Variants in UPF2 observed in about 807,000 individuals in gnomAD.
UPF2 encodes the protein regulator of nonsense transcripts 2.
UPF2 carries 17 observed loss-of-function variants against 141.4 expected under a neutral mutation model. The observed-to-expected ratio is 0.12, with a 90% CI of 0.08 to 0.18. UPF2 has a LOEUF of 0.18. Among genes scored for constraint, UPF2 ranks in the 10% least tolerant of loss-of-function variants. The pLI is 1.00. For missense variants in UPF2, 1,152 were observed against 1,515.9 expected (o/e 0.76, Z 3.99); for synonymous variants, 540 against 498.0 (o/e 1.08, Z -1.12).
At chr10:11,989,660 A>AC (rs2131247028) in intron 8 of UPF2, among the ~76,000 whole-genome samples, 1 of 152,354 alleles carries the variant, frequency 6.6e-6, no homozygotes, top group South Asian at 2.1e-4. Context: ...ACACAATGTT[A>AC]CCCCAATGCT....
At position 12,029,608 on chromosome 10, in the gene UPF2, GA is replaced by G. The variant is rs1280235727; in HGVS notation, c.366-85del. ...AATCCCCTAAGAGTAAAAAGCCAATGAAAAAAATTATCTAAGTATAACAATC... is the reference window on the plus strand; with the variant it reads ...AATCCCCTAAGAGTAAAAAGCCAATGAAAAAATTATCTAAGTATAACAATC... On this transcript the variant is annotated intron_variant, in intron 2 of 21. Coordinates refer to ENST00000357604, the MANE Select transcript of UPF2 (RefSeq NM_015542.4). The G allele has an allele frequency of 3.4e-5, 48 of 1,394,324 alleles. No individual in the cohort carries two copies. In the South Asian group the frequency reaches 6.1e-4, roughly 18 times the overall value. The allele number at this position is 1,394,324 out of a possible 1,614,324, so 86.4% of individuals were successfully genotyped here.
chr10:11,948,141 G>C (rs377169932), intron 16 of UPF2, among the ~76,000 whole-genome samples: 1 of 151,072 alleles, frequency 6.6e-6, no homozygotes, highest in Non-Finnish European at 1.5e-5. Context: ...TCAGCTACTC[G>C]GGAGGCTGAG....
intron 9 of UPF2, among the ~76,000 whole-genome samples, chr10:11,974,110 T>G (rs2131218907): frequency 6.6e-6 from 1 of 152,336 alleles, no homozygotes; most frequent in Admixed American, 6.5e-5. Flanking sequence ...CCTTGTAAGT[T>G]GGATTCCTAG....
At chr10:12,025,493 G>C (rs12355710) in intron 3 of UPF2, among the ~76,000 whole-genome samples, 5 of 151,948 alleles carry the variant, frequency 3.3e-5, no homozygotes, top group African/African-American at 1.2e-4. Context: ...AAAGGTTGCA[G>C]TGAGCCAAGA....
intron 16 of UPF2, among the ~76,000 whole-genome samples, chr10:11,944,188 T>G (rs1418442501): frequency 6.6e-6 from 1 of 152,108 alleles, no homozygotes; most frequent in Non-Finnish European, 1.5e-5. Context: ...GTTCTTAAAA[T>G]GAAAACGTTT....
At chr10:12,028,718 C>G (rs745807029) in intron 3 of UPF2, 27 bp downstream of exon 3, 5 of 1,544,246 alleles carry the variant, frequency 3.2e-6, no homozygotes, top group African/African-American at 2.8e-5. Context: ...AATAAATTCT[C>G]AACTCTGAGA....
chr10:12,033,276 C>T (rs2131313508), intron 2 of UPF2, among the ~76,000 whole-genome samples: 1 of 152,226 alleles, frequency 6.6e-6, no homozygotes, highest in Admixed American at 6.5e-5. Flanking sequence ...TGGCTCATGC[C>T]TGTAATCTCA....
At chr10:11,969,437 G>C (rs1211284386) in intron 9 of UPF2, among the ~76,000 whole-genome samples, 1 of 152,130 alleles carries the variant, frequency 6.6e-6, no homozygotes, top group East Asian at 1.9e-4. Context: ...CAAAAGTGCT[G>C]GGATTATAAG....
chr10:11,925,078 C>T (rs1832695024), intron 21 of UPF2, among the ~76,000 whole-genome samples: 2 of 152,266 alleles, frequency 1.3e-5, no homozygotes, highest in South Asian at 2.1e-4. Context: ...CTCGGCCCCC[C>T]AAAGTGCTGG....
Position 11,964,056 on chromosome 10 carries a change from A to G in UPF2, c.2137T>C (p.Phe713Leu), listed in dbSNP as rs1193148499. Reference sequence around the variant, plus strand: ...TGAGATTCTGGAGATCTGAAAAGAAACCGTCCACATGTCTCCAGCAGGGTG... The same window carrying G: ...TGAGATTCTGGAGATCTGAAAAGAAGCCGTCCACATGTCTCCAGCAGGGTG... ...ACTLLETCGR[F>L]LFRSPESHLR... The change falls in exon 11 of 22, where the codon TTT becomes CTT. Residue 713 changes from phenylalanine to leucine, a missense_variant. Transcript: ENST00000357604. 2.5e-6 allele frequency: 4 copies of G among 1,613,930 alleles called. No individual in the cohort carries two copies. Among genetic ancestry groups the G allele is most frequent in the African/African-American group, 2.7e-5 (2 of 74,930 alleles).
chr10:11,975,500 T>C (rs1019732197), intron 9 of UPF2, among the ~76,000 whole-genome samples: 1 of 152,176 alleles, frequency 6.6e-6, no homozygotes, highest in Admixed American at 6.5e-5. Context: ...CTTTCTGATA[T>C]AAAAACTTTG....
chr10:12,010,646 G>A (rs370826237), intron 4 of UPF2, among the ~76,000 whole-genome samples: 3 of 152,074 alleles, frequency 2.0e-5, no homozygotes, highest in South Asian at 2.1e-4. Flanking sequence ...GAGAGGTGAC[G>A]AAGAAGGAAA....
intron 3 of UPF2, among the ~76,000 whole-genome samples, chr10:12,023,183 T>A (rs1382650915): frequency 6.6e-6 from 1 of 152,120 alleles, no homozygotes; most frequent in African/African-American, 2.4e-5. Context: ...GCCCAAAATA[T>A]ACTAATAGGA....
intron 18 of UPF2, among the ~76,000 whole-genome samples, chr10:11,938,239 CTCTT>C (rs1209097552): frequency 6.6e-6 from 1 of 152,090 alleles, no homozygotes; most frequent in African/African-American, 2.4e-5. Context: ...GGTTATCTTT[CTCTT>C]TGAGTATATA....
chr10:11,952,053 A>G lies in UPF2; in HGVS notation c.3034+13T>C. 1 of 1,611,888 alleles carries G rather than the reference A, an allele frequency of 6.2e-7. No homozygotes were observed. Among genetic ancestry groups the G allele is most frequent in the Non-Finnish European group, 8.5e-7 (1 of 1,178,594 alleles). ...ATATCACCTTCATTTTCTGTCTGCA[A>G]TCAATTGCTTACCTAGTTTTATTAA... On this transcript the variant is annotated intron_variant, in intron 15 of 21. Transcript: ENST00000357604.
chr10:11,987,955 C>A (rs1428389297), intron 8 of UPF2, among the ~76,000 whole-genome samples: 1 of 151,900 alleles, frequency 6.6e-6, no homozygotes, highest in South Asian at 2.1e-4. Context: ...ATTATACTAC[C>A]AAGCAAGTGA....
Position 12,012,279 on chromosome 10 carries a change from T to G in UPF2, c.1306+1745A>C, listed in dbSNP as rs112165719. Among the ~76,000 whole-genome samples, 253 of 151,994 alleles carry G rather than the reference T, an allele frequency of 1.7e-3. 1 individual carries two copies. The highest frequency in any genetic ancestry group is 5.6e-3 in the African/African-American group (234 of 41,504). On this transcript the variant is annotated intron_variant, in intron 4 of 21. Coordinates refer to ENST00000357604, the MANE Select transcript of UPF2 (RefSeq NM_015542.4). Reference sequence around the variant, plus strand: ...GGTTTCACCATGTTGCGCCAAGCTGTTCTCGAACTCCTGACCTCATGATCC... The same window carrying G: ...GGTTTCACCATGTTGCGCCAAGCTGGTCTCGAACTCCTGACCTCATGATCC...
intron 21 of UPF2, among the ~76,000 whole-genome samples, chr10:11,922,356 G>A (rs760409813): frequency 3.9e-5 from 6 of 152,178 alleles, no homozygotes; most frequent in Non-Finnish European, 7.3e-5. Flanking sequence ...CTTTCAAAGC[G>A]TTAAGATGCA....
In UPF2 at chr10:11,936,376, A is replaced by G. The variant is rs968231849; in HGVS notation, c.3546+169T>C. ...TGAGACGCCGTCTCAAAAAAAACAA[A>G]AACAAAAACAAAAACAAAAACAAAA... On this transcript the variant is annotated intron_variant, in intron 19 of 21. Transcript: ENST00000357604. This position sits in a 1 kb window ranked among gnomAD's most constrained non-coding sequence, Gnocchi z 6.6. Among the ~76,000 whole-genome samples the G allele has an allele frequency of 6.6e-6, 1 of 151,736 alleles. No individual in the cohort carries two copies. Among genetic ancestry groups the G allele is most frequent in the African/African-American group, 2.4e-5 (1 of 41,162 alleles).
Sources: gnomAD v4.1 joint callset for allele counts (sites outside exome capture counted in the v4.1 genomes callset) on GRCh38, gnomAD v4.1.1 for gene constraint, Gnocchi (gnomAD v3.1) non-coding constraint, MANE v1.5 for transcripts, NCBI Gene and HGNC (gene_info 2026-07-23, HGNC 2026-07-21) for gene names.